GCC2: variants seen among roughly 807,000 people sequenced by gnomAD.
GCC2 encodes GRIP and coiled-coil domain-containing protein 2.
Under a neutral mutation model 210.6 loss-of-function variants are expected in GCC2, and 120 were observed. That is an observed-to-expected ratio of 0.57 (90% confidence interval 0.49 to 0.66). The LOEUF is 0.66. Among genes scored for constraint, GCC2 ranks in the 30% least tolerant of loss-of-function variants. The pLI is 0.00. For missense variants in GCC2, 1,868 were observed against 1,871.9 expected, an observed-to-expected ratio of 1.00 and a Z score of 0.04; for synonymous variants, 703 against 652.7, an observed-to-expected ratio of 1.08 and a Z score of -1.17.
At position 108,469,646 on chromosome 2, in the gene GCC2, A is replaced by G. The variant is rs758519494; in HGVS notation, c.322-5A>G. On this transcript the variant is annotated splice_region_variant and splice_polypyrimidine_tract_variant and intron_variant, in intron 5 of 22. Coordinates refer to ENST00000309863, the MANE Select transcript of GCC2 (RefSeq NM_181453.4). The stretch of plus-strand genomic sequence containing the variant: ...TAATTTATGTGTGCTTATTTTTTGT[A>G]ATAGGATTCTGTAACAAAGATGGGA... 6 of 1,561,818 alleles carry G rather than the reference A, an allele frequency of 3.8e-6. No individual in the cohort carries two copies. The East Asian group carries it at 9.0e-5, about 24-fold the overall frequency.
At chr2:108,459,743 G>GTGTTTTT (rs1314451766) in intron 4 of GCC2, among the ~76,000 whole-genome samples, 1 of 15,492 alleles carries the variant, frequency 6.5e-5, no homozygotes, top group South Asian at 2.0e-3. Context: ...GACCTTCTTT[G>GTGTTTTT]TCTTTTTTTT....
intron 5 of GCC2, 48 bp from the exon 6 acceptor site, chr2:108,469,603 C>T (rs973452697): frequency 7.4e-7 from 1 of 1,350,200 alleles, no homozygotes; most frequent in African/African-American, 1.5e-5. Flanking sequence ...GTCAGAGGCT[C>T]CTTTTGTCTT....
At chr2:108,489,115 T>C (rs1483666927) in intron 17 of GCC2, among the ~76,000 whole-genome samples, 3 of 152,220 alleles carry the variant, frequency 2.0e-5, no homozygotes, top group African/African-American at 7.2e-5. Context: ...ATTTTAACTA[T>C]CTCCACCTAG....
chr2:108,500,597 A>G (rs2104513509), intron 22 of GCC2, among the ~76,000 whole-genome samples: 1 of 152,358 alleles, frequency 6.6e-6, no homozygotes, highest in East Asian at 1.9e-4. Flanking sequence ...GATGTCATTA[A>G]CTTCTTTGAA....
chr2:108,451,017 A>T lies in GCC2; in HGVS notation c.64-11A>T. On this transcript the variant is annotated splice_polypyrimidine_tract_variant and intron_variant, in intron 2 of 22. Coordinates refer to ENST00000309863, the MANE Select transcript of GCC2 (RefSeq NM_181453.4). The stretch of plus-strand genomic sequence containing the variant: ...GTTATAACAAGTTGGTAACATGACC[A>T]CATCTTTCAGCTGGAAACATTGCCC... 1 of 1,588,720 alleles carries T rather than the reference A, an allele frequency of 6.3e-7. No homozygotes were observed. The highest frequency in any genetic ancestry group is 8.6e-7 in the Non-Finnish European group (1 of 1,157,352).
At chr2:108,494,054 C>T (rs1427821191) in intron 19 of GCC2, 1 of 553,280 alleles carries the variant, frequency 1.8e-6, no homozygotes, top group Non-Finnish European at 2.3e-6. Context: ...GTCAATAAAC[C>T]AATACATGTC....
At chr2:108,487,849 T>C in intron 17 of GCC2, 29 bp downstream of exon 17, 2 of 1,604,186 alleles carry the variant, frequency 1.2e-6, no homozygotes, top group Non-Finnish European at 8.5e-7. Context: ...ATGCAGAGTT[T>C]TCCTCCCACA....
intron 11 of GCC2, 105 bp from the exon 12 acceptor site, chr2:108,482,957 G>A (rs1305451421): frequency 3.0e-6 from 2 of 662,100 alleles, no homozygotes; most frequent in Non-Finnish European, 5.5e-6. Flanking sequence ...TGGGATTACA[G>A]GTGTGAGACA....
chr2:108,473,833 A>G (rs1033387057), intron 7 of GCC2, among the ~76,000 whole-genome samples: 1 of 152,098 alleles, frequency 6.6e-6, no homozygotes, highest in African/African-American at 2.4e-5. Context: ...CTAGAGATAA[A>G]TACTTCTAGT....
At chr2:108,449,469 A>T (rs994784764) in intron 1 of GCC2, among the ~76,000 whole-genome samples, 164 bp from the exon 2 acceptor site, 1 of 152,160 alleles carries the variant, frequency 6.6e-6, no homozygotes, top group South Asian at 2.1e-4. Context: ...CCGTTTGTGT[A>T]CGAATTGCCA....
intron 22 of GCC2, among the ~76,000 whole-genome samples, chr2:108,504,786 CTG>C (rs1205050307): frequency 1.3e-5 from 2 of 152,178 alleles, no homozygotes; most frequent in East Asian, 3.8e-4. Context: ...TGCTCCCAGA[CTG>C]TGTTACAGTT....
chr2:108,449,550 T>G (rs1679790434), intron 1 of GCC2, 83 bp from the exon 2 acceptor site: 1 of 1,415,084 alleles, frequency 7.1e-7, no homozygotes, highest in Non-Finnish European at 1.0e-6. Context: ...CATAGAAGGT[T>G]TTTCCCTGTA....
At chr2:108,449,526 C>A in intron 1 of GCC2, 107 bp from the exon 2 acceptor site, 3 of 1,296,986 alleles carry the variant, frequency 2.3e-6, no homozygotes, top group Non-Finnish European at 1.1e-6. Flanking sequence ...ACGAGGCTTT[C>A]CACCACTTGA....
rs759793368 is a variant in GCC2 at position 108,485,833 on chromosome 2, A to C, written c.3717A>C (p.Glu1239Asp). The C allele has an allele frequency of 6.4e-7, 1 of 1,568,958 alleles. No homozygotes were observed. The highest frequency in any genetic ancestry group is 2.2e-5 in the East Asian group (1 of 44,468). Residue 1239 changes from glutamate to aspartate, a missense_variant and splice_region_variant, in exon 15 of 23, where the codon GAA (glutamate) becomes GAC (aspartate). Glu to Asp is a conservative substitution (Grantham distance 45, BLOSUM62 2). This residue lies in a region of GCC2 where 1,847 missense variants were observed against 1,765.2 expected (regional missense o/e 1.05). Coordinates refer to ENST00000309863, the MANE Select transcript of GCC2 (RefSeq NM_181453.4). ...KKELADSKQAETDHLILQASL... is the reference protein window; with the variant it reads ...KKELADSKQADTDHLILQASL... ...TAACCAAGATTCTCATTCTATAGGAAACTGATCACTTAATACTTCAAGCAT... is the reference window on the plus strand; with the variant it reads ...TAACCAAGATTCTCATTCTATAGGACACTGATCACTTAATACTTCAAGCAT...
Position 108,470,098 on chromosome 2 carries a change from T to C in GCC2, c.769T>C (p.Cys257Arg). 6.2e-7 allele frequency: 1 copy of C among 1,613,258 alleles called. No homozygotes were observed. Among genetic ancestry groups the C allele is most frequent in the Non-Finnish European group, 8.5e-7 (1 of 1,179,368 alleles). The change falls in exon 6 of 23, where the codon TGC (cysteine) becomes CGC (arginine). Residue 257 changes from cysteine to arginine, a missense_variant. Physicochemically the swap from Cys to Arg is radical, Grantham distance 180. Coordinates refer to ENST00000309863, the MANE Select transcript of GCC2 (RefSeq NM_181453.4). The stretch of plus-strand genomic sequence containing the variant: ...CCAAGAAGAGGTGAAAGAGTTGATG[T>C]GCCAGATTGAAGCATCAGCTAAGGA... ...IHQEEVKELM[C>R]QIEASAKEHE... is the part of the protein sequence containing the mutation.
chr2:108,482,919 A>G, intron 11 of GCC2, 143 bp from the exon 12 acceptor site: 4 of 592,580 alleles, frequency 6.8e-6, no homozygotes, highest in South Asian at 5.2e-5. Flanking sequence ...TGACCTTGTG[A>G]TCCACCCGCC....
chr2:108,486,398 A>G (rs752853922), intron 15 of GCC2, 113 bp from the exon 16 acceptor site: 11 of 928,508 alleles, frequency 1.2e-5, no homozygotes, highest in Non-Finnish European at 1.9e-5. Context: ...TCACTACTTA[A>G]TTATGCCTTA....
Position 108,499,179 on chromosome 2 carries a change from C to T in GCC2, c.4783-374C>T, listed in dbSNP as rs564978160. ...TGATGTGTCTCATCTACTTTTTCTC[C>T]TCTTGTATTAGCTTCTTGCCTTTCT... On this transcript the variant is annotated intron_variant, in intron 21 of 22. Transcript: ENST00000309863. 2.7e-5 allele frequency among the ~76,000 whole-genome samples: 4 copies of T among 150,558 alleles called. No individual in the cohort carries two copies. In the East Asian group the frequency reaches 7.8e-4, roughly 29 times the overall value.
At chr2:108,453,446 A>C (rs1680068534) in intron 4 of GCC2, among the ~76,000 whole-genome samples, 1 of 152,186 alleles carries the variant, frequency 6.6e-6, no homozygotes, top group Non-Finnish European at 1.5e-5. Flanking sequence ...AGTCTTATAT[A>C]ATACTGCCAG....
Sources: allele counts gnomAD v4.1 joint callset (sites outside exome capture counted in the v4.1 genomes callset), GRCh38; gene constraint gnomAD v4.1.1; regional missense constraint gnomAD v4.1.1; transcripts MANE v1.5; gene names NCBI Gene and HGNC (gene_info 2026-07-23, HGNC 2026-07-21).